Variants in ADGB observed in about 807,000 individuals in gnomAD.
The protein encoded by ADGB is calpain-7-like protein.
In ADGB, 172 loss-of-function variants were observed where a neutral mutation model predicts 210.5. That is an observed-to-expected ratio of 0.82 (90% CI 0.72 to 0.93). ADGB has a LOEUF of 0.93. Ranked by LOEUF, ADGB falls within the 40% of genes least tolerant of loss-of-function variation. ADGB has a pLI of 0.00. For synonymous variants in ADGB, 658 were observed against 662.7 expected (o/e 0.99, Z 0.11); for missense variants, 2,025 against 1,964.8 (o/e 1.03, Z -0.58).
chr6:146,689,264 C>G (rs980605737), intron 10 of ADGB, among the ~76,000 whole-genome samples: 5 of 152,150 alleles, frequency 3.3e-5, no homozygotes, highest in African/African-American at 1.2e-4. Context: ...CCCTCATCCC[C>G]TAATTGTAAT....
intron 29 of ADGB, among the ~76,000 whole-genome samples, chr6:146,776,068 T>G (rs1031581852): frequency 6.6e-6 from 1 of 152,132 alleles, no homozygotes; most frequent in Non-Finnish European, 1.5e-5. Flanking sequence ...GTTCTGGATA[T>G]ATGGAGGATA....
intron 35 of ADGB, chr6:146,807,775 C>G (rs1778234356): frequency 4.5e-6 from 2 of 443,606 alleles, no homozygotes; most frequent in Non-Finnish European, 7.8e-6. Flanking sequence ...GTTTAAGATG[C>G]TCTAATTTCA....
intron 10 of ADGB, among the ~76,000 whole-genome samples, chr6:146,689,198 A>G (rs1048017903): frequency 6.6e-6 from 1 of 152,154 alleles, no homozygotes; most frequent in African/African-American, 2.4e-5. Context: ...ATTATGCAGC[A>G]TATGTATATT....
chr6:146,615,061 C>G lies in ADGB; in HGVS notation c.74+15947C>G, dbSNP rs183868801. ...GACTACAGGCGCCCACCACCACGCC[C>G]GGCTAATTTTTTTTTTTTTGTATTT... On this transcript the variant is annotated intron_variant, in intron 1 of 35. Transcript: ENST00000397944. Among the ~76,000 whole-genome samples the G allele has an allele frequency of 5.9e-3, 884 of 149,788 alleles. 8 individuals carry two copies. The highest frequency in any genetic ancestry group is 0.02 in the African/African-American group (808 of 39,936).
intron 35 of ADGB, among the ~76,000 whole-genome samples, chr6:146,809,070 G>A (rs564404350): frequency 4.0e-5 from 6 of 151,788 alleles, no homozygotes; most frequent in African/African-American, 9.7e-5. Flanking sequence ...CAGCTGTGAC[G>A]GTTTAGCATT....
intron 33 of ADGB, among the ~76,000 whole-genome samples, chr6:146,794,229 A>G (rs1043553500): frequency 3.3e-5 from 5 of 152,166 alleles, no homozygotes; most frequent in Non-Finnish European, 7.3e-5. Context: ...CCACATAAGA[A>G]GAATATGCCT....
intron 1 of ADGB, among the ~76,000 whole-genome samples, chr6:146,614,215 TCCTC>T (rs1371260076): frequency 0.055 from 1,903 of 34,798 alleles, 40 homozygotes; most frequent in African/African-American, 0.11. Flanking sequence ...CTCCCTTCCT[TCCTC>T]CCTTCCTTCC....
At chr6:146,785,463 A>T in intron 31 of ADGB, 147 bp from the exon 32 acceptor site, 1 of 493,770 alleles carries the variant, frequency 2.0e-6, no homozygotes, top group South Asian at 4.7e-5. Context: ...CTGATAATGA[A>T]GAAGAGCTGG....
At chr6:146,727,099 T>C (rs1220741056) in intron 19 of ADGB, among the ~76,000 whole-genome samples, 1 of 151,860 alleles carries the variant, frequency 6.6e-6, no homozygotes, top group Non-Finnish European at 1.5e-5. Context: ...TTTGTACACA[T>C]GCATTTGGGA....
intron 27 of ADGB, among the ~76,000 whole-genome samples, chr6:146,753,503 CCTTTT>C (rs935051059): frequency 6.6e-6 from 1 of 151,890 alleles, no homozygotes; most frequent in Non-Finnish European, 1.5e-5. Context: ...TGACGTATTT[CCTTTT>C]CTTAAGGAGG....
intron 18 of ADGB, 87 bp downstream of exon 18, chr6:146,724,414 T>C: frequency 7.6e-7 from 1 of 1,307,466 alleles, no homozygotes; most frequent in Non-Finnish European, 1.0e-6. Context: ...CAATATGGAC[T>C]CTAAGACATT....
intron 27 of ADGB, among the ~76,000 whole-genome samples, chr6:146,758,919 G>T (rs893250839): frequency 2.0e-5 from 3 of 151,998 alleles, no homozygotes; most frequent in East Asian, 3.9e-4. Context: ...TTGTACATTA[G>T]ATAATTTCTT....
chr6:146,646,712 A>G (rs1775618569), intron 3 of ADGB, among the ~76,000 whole-genome samples: 1 of 152,172 alleles, frequency 6.6e-6, no homozygotes. Context: ...AGTTTCAGCA[A>G]CAAATCAGAG....
At chr6:146,653,185 C>T (rs936022514) in intron 3 of ADGB, among the ~76,000 whole-genome samples, 2 of 151,950 alleles carry the variant, frequency 1.3e-5, no homozygotes, top group Admixed American at 6.6e-5. Context: ...TCTCCAGTCA[C>T]CCCCAGATGG....
intron 12 of ADGB, among the ~76,000 whole-genome samples, chr6:146,697,117 G>A (rs1040021746): frequency 6.6e-6 from 1 of 152,004 alleles, no homozygotes; most frequent in African/African-American, 2.4e-5. Flanking sequence ...AAGAGAAAGG[G>A]GGAAGGAGGA....
chr6:146,802,082 AT>A (rs1232677302), intron 35 of ADGB, 71 bp downstream of exon 35: 1 of 1,030,532 alleles, frequency 9.7e-7, no homozygotes. Flanking sequence ...AAATTATATA[AT>A]TAAATAATAT....
chr6:146,728,621 T>C lies in ADGB; in HGVS notation c.2400T>C (p.Ile800=), dbSNP rs1454147812. The C allele has an allele frequency of 6.4e-6, 10 of 1,551,668 alleles. No homozygotes were observed. Among genetic ancestry groups the C allele is most frequent in the Non-Finnish European group, 8.7e-6 (10 of 1,146,956 alleles). Residue 800 remains isoleucine (I), a synonymous_variant, in exon 20 of 36, where the codon ATT becomes ATC. Coordinates refer to ENST00000397944, the MANE Select transcript of ADGB (RefSeq NM_024694.4). The stretch of plus-strand genomic sequence containing the variant: ...AGTCTCTGTTGATTATGAAAGCTAT[T>C]GGAAATGTGATTGCTAATTTCAAAG... ...TEQSLLIMKA[I]GNVIANFKDK... is the part of the protein sequence containing the mutation.
intron 23 of ADGB, 31 bp downstream of exon 23, chr6:146,736,622 G>A (rs1465945260): frequency 6.9e-7 from 1 of 1,445,346 alleles, no homozygotes; most frequent in Non-Finnish European, 9.4e-7. Flanking sequence ...TTTTATTGCA[G>A]TATATTGTCC....
chr6:146,770,082 T>C (rs1204464529), intron 29 of ADGB, among the ~76,000 whole-genome samples: 1 of 152,200 alleles, frequency 6.6e-6, no homozygotes, highest in Non-Finnish European at 1.5e-5. Flanking sequence ...CCTTGCATTA[T>C]CCCTAGTTAG....
Sources: allele counts gnomAD v4.1 joint callset (sites outside exome capture counted in the v4.1 genomes callset), GRCh38; gene constraint gnomAD v4.1.1; transcripts MANE v1.5; gene names NCBI Gene and HGNC (gene_info 2026-07-23, HGNC 2026-07-21).